The following TFPT variants were observed in gnomAD, a reference collection of about 807,000 sequenced individuals.
TFPT encodes INO80 complex subunit F.
TFPT carries 27 observed loss-of-function variants against 28.8 expected under a neutral mutation model. The observed-to-expected ratio is 0.94, with a 90% CI of 0.69 to 1.29. The LOEUF is 1.29. TFPT is among the 50% of genes most tolerant of loss of function. The pLI, the probability that TFPT is intolerant of heterozygous loss-of-function variation, is 0.00. For synonymous variants in TFPT, 152 were observed against 142.8 expected (o/e 1.06, Z -0.46); for missense variants, 330 against 338.0 (o/e 0.98, Z 0.19).
rs1381524737 is a variant in TFPT at position 54,108,195 on chromosome 19, T to A, written c.473A>T (p.Asn158Ile). 1.3e-6 allele frequency: 2 copies of A among 1,598,118 alleles called. No homozygotes were observed. The highest frequency in any genetic ancestry group is 2.2e-5 in the South Asian group (2 of 89,290). ...TDAPTPGNAE[N>I]EPPEKETLSP... is the part of the protein sequence containing the mutation. Reference sequence around the variant, plus strand: ...CAGTGTCTCTTTCTCTGGAGGCTCATTCTCCGCATTGCCTGGGGTGGGGGC... The same window carrying A: ...CAGTGTCTCTTTCTCTGGAGGCTCAATCTCCGCATTGCCTGGGGTGGGGGC... Residue 158 changes from asparagine to isoleucine, a missense_variant, in exon 5 of 6, where the codon AAT becomes ATT. By Grantham distance (149) the Asn-to-Ile change is moderately radical. Coordinates refer to ENST00000391759, the MANE Select transcript of TFPT (RefSeq NM_013342.4).
intron 2 of TFPT, among the ~76,000 whole-genome samples, chr19:54,112,429 T>TA (rs2073481717): frequency 6.6e-6 from 1 of 152,122 alleles, no homozygotes. Context: ...GTCTGTCTGT[T>TA]AAACAGGGTT....
Position 54,108,789 on chromosome 19 carries a change from C to T in TFPT, c.354-394G>A, listed in dbSNP as rs138594081. The T allele has an allele frequency of 7.8e-5, 47 of 604,410 alleles. 1 individual carries two copies. The highest frequency in any genetic ancestry group is 7.2e-4 in the African/African-American group (39 of 54,096). The allele number at this position is 604,410 out of a possible 1,614,324, so 37.4% of individuals were successfully genotyped here. On this transcript the variant is annotated intron_variant, in intron 3 of 5. Transcript: ENST00000391759. Reference sequence around the variant, plus strand: ...AGTACAGAACGCTCCTCCTAATGACCTCACCTCTTATAAACACCCCCTTCT... The same window carrying T: ...AGTACAGAACGCTCCTCCTAATGACTTCACCTCTTATAAACACCCCCTTCT...
In TFPT at chr19:54,114,458, C is replaced by T. The variant is rs2073553689; in HGVS notation, c.266G>A (p.Cys89Tyr). Residue 89 changes from cysteine (C) to tyrosine (Y), a missense_variant, in exon 2 of 6, where the codon TGC becomes TAC. Cys to Tyr is a radical substitution (Grantham distance 194). Transcript: ENST00000391759. ...RRKYQALGRRCREIEQVNERV... is the reference protein window; with the variant it reads ...RRKYQALGRRYREIEQVNERV... ...CTCACCTACCTGCTCGATCTCCCGGCAGCGCCGACCTAGTGCCTGGTACTT... is the reference window on the plus strand; with the variant it reads ...CTCACCTACCTGCTCGATCTCCCGGTAGCGCCGACCTAGTGCCTGGTACTT... 6.2e-7 allele frequency: 1 copy of T among 1,613,170 alleles called. No homozygotes were observed. The highest frequency in any genetic ancestry group is 8.5e-7 in the Non-Finnish European group (1 of 1,179,682).
chr19:54,112,580 G>C (rs1433543289), intron 2 of TFPT, among the ~76,000 whole-genome samples: 1 of 152,014 alleles, frequency 6.6e-6, no homozygotes, highest in Non-Finnish European at 1.5e-5. Context: ...CTTGAGGTCA[G>C]GAGTTCAAGA....
At chr19:54,115,162 A>G in intron 1 of TFPT, 85 bp downstream of exon 1, 1 of 1,598,138 alleles carries the variant, frequency 6.3e-7, no homozygotes, top group Non-Finnish European at 8.6e-7. Flanking sequence ...ATCAGACCTC[A>G]GCGTAAAAGC....
At position 54,115,418 on chromosome 19, in the gene TFPT, T is replaced by G; in HGVS notation, c.-149A>C. The stretch of plus-strand genomic sequence containing the variant: ...AGGCCTTGTGGGAGTTGTAGTTTCC[T>G]GTTTCCGGCTTCGCTTCGGCCCACC... On this transcript the variant is annotated 5_prime_UTR_variant, in exon 1 of 6. Coordinates refer to ENST00000391759, the MANE Select transcript of TFPT (RefSeq NM_013342.4). The G allele has an allele frequency of 8.9e-7, 1 of 1,117,574 alleles. No individual in the cohort carries two copies. The allele number at this position is 1,117,574 out of a possible 1,614,324, so 69.2% of individuals were successfully genotyped here.
chr19:54,114,415 A>G, intron 2 of TFPT, 27 bp downstream of exon 2: 1 of 1,596,010 alleles, frequency 6.3e-7, no homozygotes. Flanking sequence ...AGGGGACCCC[A>G]AAACCGGGGG....
rs373410809 is a variant in TFPT, at chr19:54,115,306, C to T, written c.-37G>A. ...CCGGAAGCCCCGGGCCTCAGAGCTT[C>T]CGACCTCTTCAATCTGTAGGTTAAG... On this transcript the variant is annotated 5_prime_UTR_variant, in exon 1 of 6. Coordinates refer to ENST00000391759, the MANE Select transcript of TFPT (RefSeq NM_013342.4). 1.9e-6 allele frequency: 3 copies of T among 1,613,728 alleles called. No homozygotes were observed. The highest frequency in any genetic ancestry group is 2.7e-5 in the African/African-American group (2 of 74,942).
rs765070690 is a variant in TFPT at position 54,107,140 on chromosome 19, TTCAAAGCCAAAGTCTTCCTCAACC to T, written c.648_671del (p.Val217_Glu224del). On this transcript the variant is annotated inframe_deletion, in exon 6 of 6. Transcript: ENST00000391759. ...AACTGGAATCCAGGGCCTCATCTGC[TTCAAAGCCAAAGTCTTCCTCAACC>T]TTAATCTGCAGGAGATAAGGAACAA... 6.2e-7 allele frequency: 1 copy of T among 1,613,800 alleles called. No individual in the cohort carries two copies. Among genetic ancestry groups the T allele is most frequent in the Non-Finnish European group, 8.5e-7 (1 of 1,179,968 alleles).
chr19:54,111,756 G>A (rs1254348552), intron 2 of TFPT, among the ~76,000 whole-genome samples: 1 of 151,140 alleles, frequency 6.6e-6, no homozygotes, highest in Non-Finnish European at 1.5e-5. Flanking sequence ...AGGCCAAGGC[G>A]AGCGGATCAC....
intron 2 of TFPT, among the ~76,000 whole-genome samples, chr19:54,111,510 A>G (rs1182075444): frequency 2.6e-5 from 4 of 151,486 alleles, no homozygotes; most frequent in East Asian, 1.9e-4. Context: ...AAAAAAAAAA[A>G]AAAAAAGAAA....
chr19:54,114,105 C>T (rs1260106914), intron 2 of TFPT, among the ~76,000 whole-genome samples: 1 of 152,100 alleles, frequency 6.6e-6, no homozygotes, highest in Non-Finnish European at 1.5e-5. Flanking sequence ...ACTCAAGAGG[C>T]GGAATGAATG....
At chr19:54,107,901 A>G (rs2073317758) in intron 5 of TFPT, 125 bp downstream of exon 5, 2 of 1,034,966 alleles carry the variant, frequency 1.9e-6, no homozygotes, top group South Asian at 4.4e-5. Context: ...CAGAACCAAA[A>G]CCCAAGAGCC....
Position 54,108,352 on chromosome 19 carries a change from C to T in TFPT, c.397G>A (p.Ala133Thr). ...VLDSYGDDYRASQFTIVLEDE... is the reference protein window; with the variant it reads ...VLDSYGDDYRTSQFTIVLEDE... ...TCCAGCACAATGGTGAACTGGCTGG[C>T]CCGGTAGTCATCCCCGTAGGAGTCC... Residue 133 changes from alanine (A) to threonine (T), a missense_variant, in exon 4 of 6, where the codon GCC becomes ACC. By Grantham distance (58) the Ala-to-Thr change is moderately conservative. Transcript: ENST00000391759. The T allele has an allele frequency of 6.2e-7, 1 of 1,610,016 alleles. No homozygotes were observed. The highest frequency in any genetic ancestry group is 8.5e-7 in the Non-Finnish European group (1 of 1,178,158).
At position 54,114,495 on chromosome 19, in the gene TFPT, A is replaced by C; in HGVS notation, c.229T>G (p.Leu77Val). 6.2e-7 allele frequency: 1 copy of C among 1,613,806 alleles called. No homozygotes were observed. Among genetic ancestry groups the C allele is most frequent in the Non-Finnish European group, 8.5e-7 (1 of 1,179,984 alleles). Residue 77 changes from leucine (L) to valine (V), a missense_variant, in exon 2 of 6, where the codon TTA (leucine) becomes GTA (valine). By Grantham distance (32) the Leu-to-Val change is conservative (BLOSUM62 1). Coordinates refer to ENST00000391759, the MANE Select transcript of TFPT (RefSeq NM_013342.4). The part of the protein sequence containing the change: ...ARGRRRRQRE[L>V]NRRKYQALGR... ...AGTGCCTGGTACTTTCTGCGATTTA[A>C]TTCCCGCTGGCGCCGCCGCCGACCC... is the stretch of plus-strand genomic sequence containing the variant.
intron 1 of TFPT, chr19:54,114,942 A>G (rs2073579085): frequency 3.0e-6 from 2 of 669,748 alleles, no homozygotes; most frequent in Non-Finnish European, 4.9e-6. Flanking sequence ...CCCTCCTCCC[A>G]GGATGCAAGA....
intron 2 of TFPT, among the ~76,000 whole-genome samples, chr19:54,114,207 G>A (rs1259748447): frequency 2.6e-5 from 4 of 152,190 alleles, no homozygotes; most frequent in South Asian, 2.1e-4. Context: ...AGAGGCCCCC[G>A]GGAGACATCA....
rs772092108 is a variant in TFPT at position 54,108,404 on chromosome 19, G to C, written c.354-9C>G. The C allele has an allele frequency of 2.5e-6, 4 of 1,613,842 alleles. No individual in the cohort carries two copies. Among genetic ancestry groups the C allele is most frequent in the Middle Eastern group, 1.6e-4 (1 of 6,082 alleles). On this transcript the variant is annotated splice_polypyrimidine_tract_variant and intron_variant, in intron 3 of 5. Coordinates refer to ENST00000391759, the MANE Select transcript of TFPT (RefSeq NM_013342.4). ...GCACTCTCATGAGGAACCTGCTCAGGGGGAGAAGCCACCAACGGAATAACT... is the reference window on the plus strand; with the variant it reads ...GCACTCTCATGAGGAACCTGCTCAGCGGGAGAAGCCACCAACGGAATAACT...
intron 2 of TFPT, among the ~76,000 whole-genome samples, chr19:54,113,486 C>T (rs1205518229): frequency 6.6e-6 from 1 of 152,074 alleles, no homozygotes; most frequent in African/African-American, 2.4e-5. Context: ...CTTGAGGGAC[C>T]CTATTTGTGA....
Sources: gnomAD v4.1 joint callset for allele counts (sites outside exome capture counted in the v4.1 genomes callset) on GRCh38, gnomAD v4.1.1 for gene constraint, MANE v1.5 for transcripts, NCBI Gene and HGNC (gene_info 2026-07-23, HGNC 2026-07-21) for gene names.